The following LRRC37A2 variants were observed in gnomAD, a reference collection of about 807,000 sequenced individuals.
LRRC37A2 encodes the protein leucine-rich repeat-containing protein 37A2.
LRRC37A2 carries 9 observed loss-of-function variants against 68.8 expected under a neutral mutation model. That is an observed-to-expected ratio of 0.13 (90% CI 0.08 to 0.23). The LOEUF (loss-of-function observed/expected upper bound fraction) is 0.23, where lower values mean the gene tolerates loss of function less well. Among genes scored for constraint, LRRC37A2 ranks in the 10% least tolerant of loss-of-function variants. The pLI is 1.00. For missense variants in LRRC37A2, 168 were observed against 950.4 expected (o/e 0.18, Z 10.82); for synonymous variants, 63 against 367.6 (o/e 0.17, Z 9.48).
chr17:46,737,572 CGTGTGTGTGT>C, the LRRC37A2 span, among the ~76,000 whole-genome samples: 2 of 147,272 alleles, frequency 1.4e-5, no homozygotes, highest in Non-Finnish European at 3.0e-5. Flanking sequence ...GGTGTGTGTG[CGTGTGTGTGT>C]GTGTGTGTGT....
chr17:46,820,217 A>T, the LRRC37A2 span, among the ~76,000 whole-genome samples: 1 of 152,178 alleles, frequency 6.6e-6, no homozygotes, highest in Non-Finnish European at 1.5e-5. Context: ...CTGCCGGCAC[A>T]GGGAGCGCGG....
chr17:46,789,956 C>T, the LRRC37A2 span, among the ~76,000 whole-genome samples: 1 of 152,146 alleles, frequency 6.6e-6, no homozygotes, highest in Non-Finnish European at 1.5e-5. Flanking sequence ...TGCGCCTCAT[C>T]CCCCCACGGC....
At chr17:46,864,487 CT>C in the LRRC37A2 span, among the ~76,000 whole-genome samples, 1 of 152,154 alleles carries the variant, frequency 6.6e-6, no homozygotes, top group Non-Finnish European at 1.5e-5. Context: ...TGATTCCTGA[CT>C]TTTTGCTGAA....
At chr17:46,895,628 T>G in the LRRC37A2 span, among the ~76,000 whole-genome samples, 1 of 152,212 alleles carries the variant, frequency 6.6e-6, no homozygotes, top group African/African-American at 2.4e-5. Context: ...TCAGAAAGGT[T>G]GTGCCTGGGA....
At chr17:46,861,448 T>G in the LRRC37A2 span, among the ~76,000 whole-genome samples, 6 of 152,200 alleles carry the variant, frequency 3.9e-5, no homozygotes, top group African/African-American at 1.2e-4. Context: ...CATTCACTCC[T>G]TCATCTTCTG....
At chr17:46,894,131 A>G in the LRRC37A2 span, among the ~76,000 whole-genome samples, 1 of 152,166 alleles carries the variant, frequency 6.6e-6, no homozygotes, top group Non-Finnish European at 1.5e-5. Context: ...CGAACATACA[A>G]AACACTGTTG....
the LRRC37A2 span, among the ~76,000 whole-genome samples, chr17:46,999,536 G>GA: frequency 6.6e-6 from 1 of 152,026 alleles, no homozygotes; most frequent in Non-Finnish European, 1.5e-5. Context: ...TTTTTGTAGA[G>GA]ACGGGGTCTT....
chr17:46,935,843 G>A, the LRRC37A2 span: 1 of 986,126 alleles, frequency 1.0e-6, no homozygotes, highest in South Asian at 4.7e-5. Context: ...TTCAGCCTCT[G>A]CCCTTTTCCT....
At chr17:46,867,689 A>G in the LRRC37A2 span, among the ~76,000 whole-genome samples, 2 of 152,004 alleles carry the variant, frequency 1.3e-5, no homozygotes, top group African/African-American at 2.4e-5. Context: ...TTTAGCCACA[A>G]TTGTGGGTGG....
chr17:46,496,526 C>G, the LRRC37A2 span, among the ~76,000 whole-genome samples: 1 of 146,666 alleles, frequency 6.8e-6, no homozygotes, highest in African/African-American at 2.7e-5. Context: ...TCACTTGAAT[C>G]CGGGAGTTGG....
chr17:46,717,615 G>A, the LRRC37A2 span, among the ~76,000 whole-genome samples: 1 of 152,188 alleles, frequency 6.6e-6, no homozygotes, highest in African/African-American at 2.4e-5. Context: ...AGGAGGCTGA[G>A]GCAGGAGAAT....
At chr17:46,797,793 T>G in the LRRC37A2 span, among the ~76,000 whole-genome samples, 1 of 152,156 alleles carries the variant, frequency 6.6e-6, no homozygotes, top group African/African-American at 2.4e-5. Context: ...CAGGAACAGT[T>G]TGAAACTTAG....
chr17:47,008,009 A>G, the LRRC37A2 span: 1 of 152,192 alleles, frequency 6.6e-6, no homozygotes, highest in Admixed American at 6.6e-5. Flanking sequence ...TGGTCATTGA[A>G]TGCTAGAATT....
the LRRC37A2 span, among the ~76,000 whole-genome samples, chr17:46,946,151 G>A: frequency 6.6e-6 from 1 of 151,964 alleles, no homozygotes; most frequent in Admixed American, 6.6e-5. Flanking sequence ...AATTAAAAAT[G>A]TAGGCTGGGC....
the LRRC37A2 span, among the ~76,000 whole-genome samples, chr17:46,715,340 T>C: frequency 6.6e-6 from 1 of 151,156 alleles, no homozygotes; most frequent in East Asian, 1.9e-4. Context: ...GCTGTTTTTC[T>C]TTGTTTTTCG....
the LRRC37A2 span, chr17:46,773,768 C>T: frequency 6.2e-7 from 1 of 1,613,368 alleles, no homozygotes; most frequent in South Asian, 1.1e-5. Context: ...GGATGCCCAG[C>T]TTCACGCCCT....
At chr17:47,000,076 A>AAATAAAATAAATAT in the LRRC37A2 span, among the ~76,000 whole-genome samples, 1 of 25,520 alleles carries the variant, frequency 3.9e-5, no homozygotes, top group Admixed American at 7.1e-4. Flanking sequence ...AAATAAAATA[A>AAATAAAATAAATAT]AAAATAAAAT....
At chr17:46,826,545 C>T in the LRRC37A2 span, among the ~76,000 whole-genome samples, 1 of 152,214 alleles carries the variant, frequency 6.6e-6, no homozygotes, top group Non-Finnish European at 1.5e-5. Flanking sequence ...CGTTAGAGCC[C>T]AGGTCTACCA....
the LRRC37A2 span, among the ~76,000 whole-genome samples, chr17:46,984,427 C>G: frequency 6.6e-6 from 1 of 152,144 alleles, no homozygotes; most frequent in Non-Finnish European, 1.5e-5. Context: ...GCTGCCTCCC[C>G]CTGCTCTAGA....
Sources: gnomAD v4.1 joint callset for allele counts (sites outside exome capture counted in the v4.1 genomes callset) on GRCh38, gnomAD v4.1.1 for gene constraint, MANE v1.5 for transcripts, NCBI Gene and HGNC (gene_info 2026-07-23, HGNC 2026-07-21) for gene names.